Variants in KIAA1549 observed in about 807,000 individuals in gnomAD.
KIAA1549 encodes the protein UPF0606 protein KIAA1549.
KIAA1549 carries 70 observed loss-of-function variants against 156.4 expected under a neutral mutation model. That is an observed-to-expected ratio of 0.45 (90% CI 0.37 to 0.55). KIAA1549 has a LOEUF of 0.55. KIAA1549 is among the 20% of genes least tolerant of loss of function. KIAA1549 has a pLI of 0.00. For synonymous variants in KIAA1549, 1,103 were observed against 1,066.4 expected, an observed-to-expected ratio of 1.03 and a Z score of -0.67; for missense variants, 2,428 against 2,540.9, an observed-to-expected ratio of 0.96 and a Z score of 0.96.
intron 16 of KIAA1549, among the ~76,000 whole-genome samples, chr7:138,854,657 T>A (rs1237766297): frequency 6.6e-6 from 1 of 152,146 alleles, no homozygotes; most frequent in Non-Finnish European, 1.5e-5. Flanking sequence ...ATATTAGATA[T>A]GCACAGATAA....
At position 138,911,173 on chromosome 7, in the gene KIAA1549, G is replaced by T. The variant is rs2130465900; in HGVS notation, c.3118C>A (p.Pro1040Thr). 1 of 1,597,946 alleles carries T rather than the reference G, an allele frequency of 6.3e-7. No individual in the cohort carries two copies. Among genetic ancestry groups the T allele is most frequent in the Non-Finnish European group, 8.5e-7 (1 of 1,172,276 alleles). Reference protein sequence around the residue: ...ILSVKPSFLVPESRFQVQTVL... With the variant: ...ILSVKPSFLVTESRFQVQTVL... ...GTTTGAACTTGGAACCTGGACTCTG[G>T]CACAAGGAAAGAAGGTTTCACAGAC... is the stretch of plus-strand genomic sequence containing the variant. The change falls in exon 4 of 20, where the codon CCA (proline) becomes ACA (threonine). Residue 1040 changes from proline to threonine, a missense_variant. Pro to Thr is a conservative substitution (Grantham distance 38, BLOSUM62 -1). Transcript: ENST00000422774.
chr7:138,837,948 C>T lies in KIAA1549; in HGVS notation c.5811G>A (p.Arg1937=), dbSNP rs755098074. ...LIKAIREELL[R]LSQKQSTVQN... ...GCACGGTGCTCTGTTTCTGGGAGAGCCGGAGGAGCTCCTCGCGGATTGCTT... is the reference window on the plus strand; with the variant it reads ...GCACGGTGCTCTGTTTCTGGGAGAGTCGGAGGAGCTCCTCGCGGATTGCTT... The change falls in exon 20 of 20, where the codon CGG becomes CGA. Residue 1937 remains arginine (R), a synonymous_variant. Coordinates refer to ENST00000422774, the MANE Select transcript of KIAA1549 (RefSeq NM_001164665.2). 3.1e-6 allele frequency: 5 copies of T among 1,613,852 alleles called. No individual in the cohort carries two copies. The South Asian group carries it at 5.5e-5, about 18-fold the overall frequency.
At chr7:138,896,664 G>A (rs1001651445) in intron 9 of KIAA1549, among the ~76,000 whole-genome samples, 1 of 150,892 alleles carries the variant, frequency 6.6e-6, no homozygotes, top group Admixed American at 6.6e-5. Flanking sequence ...GCACAATCAA[G>A]CTCACTTGCA....
In KIAA1549 at chr7:138,835,056, AAAG is replaced by A. The variant is rs1809667088; in HGVS notation, c.*2847_*2849del. The A allele has an allele frequency of 4.4e-6, 1 of 226,244 alleles. No homozygotes were observed. The allele number at this position is 226,244 out of a possible 1,614,324, so 14.0% of individuals were successfully genotyped here. On this transcript the variant is annotated 3_prime_UTR_variant, in exon 20 of 20. Transcript: ENST00000422774. ...CCACTAGAACTTTTAAAATAGGAAA[AAAG>A]AATAGACATAAAATTCAACTGTTCA...
In KIAA1549 at chr7:138,861,234, G is replaced by A. The variant is rs1370799378; in HGVS notation, c.5152C>T (p.Leu1718=). The A allele has an allele frequency of 3.7e-6, 6 of 1,612,582 alleles. No individual in the cohort carries two copies. The highest frequency in any genetic ancestry group is 2.2e-5 in the South Asian group (2 of 90,872). ...TGGGAAGGGGTGCTGTTTGCGGGCAGGCCGGGTGGGACTCCGGGGCCTACA... is the reference window on the plus strand; with the variant it reads ...TGGGAAGGGGTGCTGTTTGCGGGCAAGCCGGGTGGGACTCCGGGGCCTACA... ...AGVGPGVPPG[L]PANSTPSQEE... Residue 1718 remains leucine, a synonymous_variant, in exon 16 of 20, where the codon CTG becomes TTG. Transcript: ENST00000422774.
rs993113936 is a variant in KIAA1549 at position 138,834,691 on chromosome 7, G to A, written c.*3215C>T. On this transcript the variant is annotated 3_prime_UTR_variant, in exon 20 of 20. Coordinates refer to ENST00000422774, the MANE Select transcript of KIAA1549 (RefSeq NM_001164665.2). ...GGGAGTGAGGAAACTGAGTCACACC[G>A]AGCTTTCGGTTTTGCTCATTACCCA... The A allele has an allele frequency of 4.3e-5, 10 of 232,450 alleles. No homozygotes were observed. The highest frequency in any genetic ancestry group is 1.8e-4 in the South Asian group (1 of 5,522). The allele number at this position is 232,450 out of a possible 1,614,324, so 14.4% of individuals were successfully genotyped here. A position where few individuals can be genotyped will look rare whatever the true frequency, so the allele number is the denominator to read the frequency against.
At chr7:138,869,784 A>G in intron 13 of KIAA1549, 23 bp from the exon 14 acceptor site, 1 of 1,585,408 alleles carries the variant, frequency 6.3e-7, no homozygotes, top group Non-Finnish European at 8.6e-7. Flanking sequence ...GAGGGAGAGA[A>G]AGACAGCCAT....
intron 4 of KIAA1549, 130 bp from the exon 5 acceptor site, chr7:138,909,251 T>C: frequency 1.1e-6 from 1 of 902,720 alleles, no homozygotes; most frequent in Non-Finnish European, 1.7e-6. Flanking sequence ...AGTACTGTGA[T>C]GTAACATTTC....
At position 138,835,555 on chromosome 7, in the gene KIAA1549, T is replaced by C. The variant is rs1809682146; in HGVS notation, c.*2351A>G. ...AGCACACTCTATGTGCAAGCCTGTA[T>C]GGCCCTGAGCGGAACTGGGTGAGAA... On this transcript the variant is annotated 3_prime_UTR_variant, in exon 20 of 20. Coordinates refer to ENST00000422774, the MANE Select transcript of KIAA1549 (RefSeq NM_001164665.2). 8.9e-6 allele frequency: 2 copies of C among 224,438 alleles called. No individual in the cohort carries two copies. Among genetic ancestry groups the C allele is most frequent in the African/African-American group, 2.2e-5 (1 of 44,836 alleles). The allele number at this position is 224,438 out of a possible 1,614,324, so 13.9% of individuals were successfully genotyped here.
At chr7:138,969,946 C>T (rs1050443452) in intron 1 of KIAA1549, among the ~76,000 whole-genome samples, 4 of 152,174 alleles carry the variant, frequency 2.6e-5, no homozygotes, top group Non-Finnish European at 5.9e-5. Context: ...CGTCCATCCC[C>T]TCAACCATTT....
At chr7:138,892,267 T>C (rs775762269) in intron 10 of KIAA1549, among the ~76,000 whole-genome samples, 111 of 152,342 alleles carry the variant, frequency 7.3e-4, no homozygotes, top group Non-Finnish European at 1.3e-3. Context: ...GAATATTCCA[T>C]TTTGACCCCA....
chr7:138,936,185 A>G (rs1016772985), intron 1 of KIAA1549, among the ~76,000 whole-genome samples: 2 of 152,216 alleles, frequency 1.3e-5, no homozygotes, highest in African/African-American at 4.8e-5. Context: ...AAGGTAAAAA[A>G]GATGATCAAA....
intron 1 of KIAA1549, among the ~76,000 whole-genome samples, chr7:138,938,575 T>G (rs1813085570): frequency 6.6e-6 from 1 of 152,206 alleles, no homozygotes; most frequent in Non-Finnish European, 1.5e-5. Context: ...TGATAGGGAA[T>G]GACATGAAGT....
At position 138,919,125 on chromosome 7, in the gene KIAA1549, G is replaced by A; in HGVS notation, c.501C>T (p.Thr167=). 6.2e-7 allele frequency: 1 copy of A among 1,614,002 alleles called. No homozygotes were observed. Among genetic ancestry groups the A allele is most frequent in the Non-Finnish European group, 8.5e-7 (1 of 1,179,896 alleles). Residue 167 remains threonine (T), a synonymous_variant, in exon 2 of 20, where the codon ACC becomes ACT. Coordinates refer to ENST00000422774, the MANE Select transcript of KIAA1549 (RefSeq NM_001164665.2). ...MDNFLPDTHW[T]TPRMVSPIQY... The stretch of plus-strand genomic sequence containing the variant: ...GTATTGGAGAAACCATCCGTGGAGT[G>A]GTCCAGTGAGTATCTGGCAGAAAGT...
intron 1 of KIAA1549, among the ~76,000 whole-genome samples, chr7:138,941,376 A>C (rs1420948925): frequency 6.6e-6 from 1 of 152,240 alleles, no homozygotes; most frequent in African/African-American, 2.4e-5. Flanking sequence ...GAAGGAGGGA[A>C]GGAGGAAATA....
intron 4 of KIAA1549, among the ~76,000 whole-genome samples, chr7:138,910,207 T>G (rs1356368546): frequency 1.3e-5 from 2 of 152,048 alleles, no homozygotes; most frequent in Non-Finnish European, 2.9e-5. Flanking sequence ...CTTTTGTACA[T>G]GCTTGAAATT....
chr7:138,905,067 G>C lies in KIAA1549; in HGVS notation c.3475C>G (p.Gln1159Glu). Residue 1159 changes from glutamine (Q) to glutamate (E), a missense_variant, in exon 7 of 20, where the codon CAG (glutamine) becomes GAG (glutamate). By Grantham distance (29) the Gln-to-Glu change is conservative. Transcript: ENST00000422774. ...TTCAGCAACTGAGATAAGTTGAGCTGTGGATACTGGAAGGCTACAAAAGGG... is the reference window on the plus strand; with the variant it reads ...TTCAGCAACTGAGATAAGTTGAGCTCTGGATACTGGAAGGCTACAAAAGGG... The part of the protein sequence containing the change: ...LQIAEPFQYP[Q>E]LNLSQLLKSS... The C allele has an allele frequency of 6.3e-7, 1 of 1,575,176 alleles. No individual in the cohort carries two copies. The highest frequency in any genetic ancestry group is 8.6e-7 in the Non-Finnish European group (1 of 1,158,478).
In KIAA1549 at chr7:138,869,659, C is replaced by T. The variant is rs761926847; in HGVS notation, c.4654G>A (p.Asp1552Asn). The change falls in exon 14 of 20, where the codon GAC becomes AAC. Residue 1552 changes from aspartate to asparagine, a missense_variant. Physicochemically the swap from Asp to Asn is conservative, Grantham distance 23. Coordinates refer to ENST00000422774, the MANE Select transcript of KIAA1549 (RefSeq NM_001164665.2). ...TCCTTAGTGTCGCCCGAGGACAGGT[C>T]GTCTACCACCGGGAACTCGTAGTGC... is the stretch of plus-strand genomic sequence containing the variant. ...RGHYEFPVVD[D>N]LSSGDTKERH... The T allele has an allele frequency of 3.1e-6, 5 of 1,611,962 alleles. No homozygotes were observed. Among genetic ancestry groups the T allele is most frequent in the East Asian group, 4.5e-5 (2 of 44,856 alleles).
rs776837456 is a variant in KIAA1549, at chr7:138,905,048, A to G, written c.3494T>C (p.Leu1165Ser). The G allele has an allele frequency of 3.8e-6, 6 of 1,577,760 alleles. No homozygotes were observed. The South Asian group carries it at 5.8e-5, about 15-fold the overall frequency. Residue 1165 changes from leucine to serine, a missense_variant, in exon 7 of 20, where the codon TTG becomes TCG. Physicochemically the swap from Leu to Ser is moderately radical, Grantham distance 145. Coordinates refer to ENST00000422774, the MANE Select transcript of KIAA1549 (RefSeq NM_001164665.2). Reference protein sequence around the residue: ...FQYPQLNLSQLLKSSWVRTVL... With the variant: ...FQYPQLNLSQSLKSSWVRTVL... The stretch of plus-strand genomic sequence containing the variant: ...TGTTCTGACCCAAGAGGACTTCAGC[A>G]ACTGAGATAAGTTGAGCTGTGGATA...
Sources: allele counts gnomAD v4.1 joint callset (sites outside exome capture counted in the v4.1 genomes callset), GRCh38; gene constraint gnomAD v4.1.1; transcripts MANE v1.5; gene names NCBI Gene and HGNC (gene_info 2026-07-23, HGNC 2026-07-21).